NEGR1: variants seen among roughly 807,000 people sequenced by gnomAD.
NEGR1 encodes the protein neuronal growth regulator 1, also known as IgLON family member 4.
Under a neutral mutation model 40.9 loss-of-function variants are expected in NEGR1, and 10 were observed. The ratio of observed to expected loss-of-function variants is 0.24; its 90% CI spans 0.15 to 0.42. NEGR1 has a LOEUF of 0.42. Among genes scored for constraint, NEGR1 ranks in the 10% least tolerant of loss-of-function variants. The pLI is 1.00. For synonymous variants in NEGR1, 185 were observed against 166.8 expected, an observed-to-expected ratio of 1.11 and a Z score of -0.84; for missense variants, 352 against 438.9, an observed-to-expected ratio of 0.80 and a Z score of 1.77.
intron 2 of NEGR1, among the ~76,000 whole-genome samples, chr1:71,823,692 T>C (rs577431757): frequency 6.6e-6 from 1 of 152,156 alleles, no homozygotes; most frequent in African/African-American, 2.4e-5. Context: ...CAGTCCATGT[T>C]TTGTTTCTTT....
intron 1 of NEGR1, among the ~76,000 whole-genome samples, chr1:71,986,983 T>G (rs567476253): frequency 6.6e-6 from 1 of 152,324 alleles, no homozygotes; most frequent in East Asian, 1.9e-4. Flanking sequence ...TATTGGTATT[T>G]TGAGGCAGAA....
chr1:71,644,838 C>T (rs146972850), intron 4 of NEGR1, among the ~76,000 whole-genome samples: 1 of 151,920 alleles, frequency 6.6e-6, no homozygotes, highest in Non-Finnish European at 1.5e-5. Context: ...TAGAGAGATG[C>T]TTATCCAGGG....
chr1:71,985,484 A>T (rs564525563), intron 1 of NEGR1, among the ~76,000 whole-genome samples: 2 of 152,258 alleles, frequency 1.3e-5, no homozygotes, highest in South Asian at 4.1e-4. Context: ...CTTGCCCAAG[A>T]TTGTACCACC....
At chr1:71,949,794 G>T (rs1016845307) in intron 1 of NEGR1, among the ~76,000 whole-genome samples, 11 of 151,966 alleles carry the variant, frequency 7.2e-5, no homozygotes, top group Admixed American at 7.2e-4. Context: ...TTATCTTCTT[G>T]TTCATTTTAC....
intron 2 of NEGR1, among the ~76,000 whole-genome samples, chr1:71,881,194 T>C (rs1660574529): frequency 6.6e-6 from 1 of 152,012 alleles, no homozygotes; most frequent in South Asian, 2.1e-4. Flanking sequence ...ACCCTAAATA[T>C]ATAAATGTTT....
At chr1:72,097,505 C>G (rs1050053806) in intron 1 of NEGR1, among the ~76,000 whole-genome samples, 1 of 152,080 alleles carries the variant, frequency 6.6e-6, no homozygotes, top group African/African-American at 2.4e-5. Context: ...CAACTTTACC[C>G]CCCAAAATTT....
chr1:72,118,120 T>G (rs186629614), intron 1 of NEGR1, among the ~76,000 whole-genome samples: 1 of 151,966 alleles, frequency 6.6e-6, no homozygotes, highest in East Asian at 1.9e-4. Context: ...AAGATTTGTG[T>G]CCCACTATAA....
intron 1 of NEGR1, chr1:72,100,705 C>A (rs1309334397): frequency 2.0e-5 from 3 of 152,166 alleles, no homozygotes; most frequent in Admixed American, 2.0e-4. Flanking sequence ...GCCAAACAAG[C>A]TAAGAGTTAA....
intron 1 of NEGR1, among the ~76,000 whole-genome samples, chr1:72,165,330 A>C (rs912231694): frequency 2.0e-5 from 3 of 152,086 alleles, no homozygotes; most frequent in Admixed American, 2.0e-4. Context: ...GTCAAACAAC[A>C]TTTTAAACAA....
intron 6 of NEGR1, among the ~76,000 whole-genome samples, chr1:71,419,387 T>A (rs983444488): frequency 1.3e-5 from 2 of 152,230 alleles, no homozygotes; most frequent in African/African-American, 4.8e-5. Flanking sequence ...CTGTTGAAAG[T>A]AAACAGTTAT....
intron 1 of NEGR1, among the ~76,000 whole-genome samples, chr1:71,953,715 A>G (rs1173370339): frequency 2.0e-5 from 3 of 152,020 alleles, no homozygotes; most frequent in African/African-American, 7.2e-5. Flanking sequence ...TCCTTCTGCA[A>G]CCACCACTCT....
At chr1:72,079,086 A>AATATATATATATATATATATATAT (rs67575298) in intron 1 of NEGR1, among the ~76,000 whole-genome samples, 176 of 142,326 alleles carry the variant, frequency 1.2e-3, no homozygotes, top group East Asian at 8.6e-3. Flanking sequence ...CATTTAACAG[A>AATATATATATATATATATATATAT]ATATATATAT....
At chr1:72,146,380 CT>C (rs544893113) in intron 1 of NEGR1, among the ~76,000 whole-genome samples, 1 of 152,084 alleles carries the variant, frequency 6.6e-6, no homozygotes, top group Non-Finnish European at 1.5e-5. Flanking sequence ...CCATGTCATA[CT>C]TTTTTTACTG....
At chr1:71,508,199 G>A (rs1391438244) in intron 6 of NEGR1, among the ~76,000 whole-genome samples, 1 of 152,080 alleles carries the variant, frequency 6.6e-6, no homozygotes, top group African/African-American at 2.4e-5. Flanking sequence ...AACTTGGAAA[G>A]AAGACAAGCT....
chr1:71,802,385 A>G (rs1380542523), intron 2 of NEGR1, among the ~76,000 whole-genome samples: 1 of 152,186 alleles, frequency 6.6e-6, no homozygotes, highest in Non-Finnish European at 1.5e-5. Context: ...GCACAGGAAA[A>G]TAGAGCTATT....
chr1:71,681,268 G>A (rs1652828855), intron 4 of NEGR1, among the ~76,000 whole-genome samples: 1 of 152,210 alleles, frequency 6.6e-6, no homozygotes, highest in Non-Finnish European at 1.5e-5. Flanking sequence ...AAGAAAATAA[G>A]ATTTTGGTGT....
At chr1:71,477,056 C>T (rs1646826047) in intron 6 of NEGR1, 2 of 152,088 alleles carry the variant, frequency 1.3e-5, no homozygotes, top group African/African-American at 4.8e-5. Flanking sequence ...TGATTATACA[C>T]TTAATATGTA....
At chr1:71,769,168 A>AT (rs1006433721) in intron 3 of NEGR1, among the ~76,000 whole-genome samples, 2 of 151,508 alleles carry the variant, frequency 1.3e-5, no homozygotes, top group African/African-American at 4.9e-5. Context: ...TTTTCCTTTA[A>AT]TTTTTTATTT....
chr1:71,971,170 G>T (rs1260554549), intron 1 of NEGR1, among the ~76,000 whole-genome samples: 2 of 152,210 alleles, frequency 1.3e-5, no homozygotes, highest in Admixed American at 1.3e-4. Context: ...CCAGAACCTG[G>T]AAGAACCAAG....
Sources: gnomAD v4.1 joint callset for allele counts (sites outside exome capture counted in the v4.1 genomes callset) on GRCh38, gnomAD v4.1.1 for gene constraint, MANE v1.5 for transcripts, NCBI Gene and HGNC (gene_info 2026-07-23, HGNC 2026-07-21) for gene names.